PEAK1: variants seen among roughly 807,000 people sequenced by gnomAD.
PEAK1 encodes the protein pseudopodium enriched atypical kinase 1.
PEAK1 carries 54 observed loss-of-function variants against 124.7 expected under a neutral mutation model. That is an observed-to-expected ratio of 0.43 (90% CI 0.35 to 0.54). The LOEUF is 0.54. PEAK1 is among the 20% of genes least tolerant of loss of function. The probability of loss-of-function intolerance (pLI) is 0.01; values close to 1 mark genes in which losing one functional copy is unlikely to be tolerated. For synonymous variants in PEAK1, 719 were observed against 760.0 expected, an observed-to-expected ratio of 0.95 and a Z score of 0.89; for missense variants, 2,046 against 2,134.5, an observed-to-expected ratio of 0.96 and a Z score of 0.82.
At chr15:77,399,766 C>T (rs1457359349) in intron 1 of PEAK1, among the ~76,000 whole-genome samples, 4 of 152,040 alleles carry the variant, frequency 2.6e-5, no homozygotes, top group Admixed American at 6.6e-5. Context: ...AAACATTTCT[C>T]GAATAATACT....
intron 1 of PEAK1, among the ~76,000 whole-genome samples, chr15:77,384,727 C>A (rs1163771402): frequency 6.6e-6 from 1 of 152,240 alleles, no homozygotes; most frequent in Non-Finnish European, 1.5e-5. Context: ...AACATGTGTG[C>A]CAACTGCCTT....
At chr15:77,343,282 C>T (rs2066653763) in intron 2 of PEAK1, among the ~76,000 whole-genome samples, 1 of 151,672 alleles carries the variant, frequency 6.6e-6, no homozygotes, top group Admixed American at 6.6e-5. Context: ...TGGAGAAATG[C>T]CTTTGATCAT....
chr15:77,329,016 G>T (rs1044023977), intron 2 of PEAK1, among the ~76,000 whole-genome samples: 2 of 152,094 alleles, frequency 1.3e-5, no homozygotes, highest in Non-Finnish European at 2.9e-5. Context: ...ATTACATTTC[G>T]TTAGAATCTA....
At chr15:77,416,241 C>CT (rs774606351) in intron 1 of PEAK1, among the ~76,000 whole-genome samples, 189 of 152,296 alleles carry the variant, frequency 1.2e-3, no homozygotes, top group Non-Finnish European at 2.3e-3. Flanking sequence ...GTCTGTCTGG[C>CT]ACAGATGGTT....
chr15:77,223,094 T>C (rs2059462045), intron 6 of PEAK1, among the ~76,000 whole-genome samples: 1 of 152,004 alleles, frequency 6.6e-6, no homozygotes, highest in Admixed American at 6.6e-5. Context: ...AAGTCACTAG[T>C]GACTAAATGA....
intron 6 of PEAK1, among the ~76,000 whole-genome samples, chr15:77,247,671 A>G (rs1567163353): frequency 6.6e-6 from 1 of 151,566 alleles, no homozygotes; most frequent in African/African-American, 2.4e-5. Flanking sequence ...CAGTAGAGAC[A>G]GGATTTCACC....
intron 7 of PEAK1, among the ~76,000 whole-genome samples, chr15:77,160,977 G>A (rs1163951367): frequency 6.6e-6 from 1 of 152,180 alleles, no homozygotes; most frequent in African/African-American, 2.4e-5. Flanking sequence ...GAAAACCACA[G>A]AAAAAACTGC....
chr15:77,228,548 C>T (rs1567140647), intron 6 of PEAK1, among the ~76,000 whole-genome samples: 1 of 152,122 alleles, frequency 6.6e-6, no homozygotes, highest in Non-Finnish European at 1.5e-5. Flanking sequence ...GAGAGAACAA[C>T]TGGATTAAAA....
At chr15:77,142,138 G>A (rs191863282) in intron 8 of PEAK1, among the ~76,000 whole-genome samples, 1 of 152,204 alleles carries the variant, frequency 6.6e-6, no homozygotes, top group East Asian at 1.9e-4. Context: ...TTTTGAAAAA[G>A]ATAAATAACC....
chr15:77,401,993 G>T lies in PEAK1; in HGVS notation c.-666+18013C>A, dbSNP rs558770383. 24 of 823,596 alleles carry T rather than the reference G, an allele frequency of 2.9e-5. No individual in the cohort carries two copies. The South Asian group carries it at 1.1e-3, about 38-fold the overall frequency. The allele number at this position is 823,596 out of a possible 1,614,324, so 51.0% of individuals were successfully genotyped here. ...GTGGGCAGATCACCTGAGGTAAGGAGTTCAAGACCAACCTGGCCAACATGG... is the reference window on the plus strand; with the variant it reads ...GTGGGCAGATCACCTGAGGTAAGGATTTCAAGACCAACCTGGCCAACATGG... On this transcript the variant is annotated intron_variant, in intron 1 of 9. Coordinates refer to ENST00000682557, the MANE Select transcript of PEAK1 (RefSeq NM_001385026.1).
chr15:77,316,050 C>T (rs1374326638), intron 2 of PEAK1, among the ~76,000 whole-genome samples: 1 of 152,032 alleles, frequency 6.6e-6, no homozygotes, highest in Non-Finnish European at 1.5e-5. Context: ...TATGGAAACT[C>T]TTGTACCATC....
intron 2 of PEAK1, among the ~76,000 whole-genome samples, chr15:77,320,262 T>G (rs1431373108): frequency 1.3e-5 from 2 of 152,144 alleles, no homozygotes; most frequent in African/African-American, 4.8e-5. Flanking sequence ...CAGAATTCAA[T>G]AATAAAATGT....
At chr15:77,263,456 A>G (rs368833236) in intron 5 of PEAK1, among the ~76,000 whole-genome samples, 3 of 152,210 alleles carry the variant, frequency 2.0e-5, no homozygotes. Context: ...ACAAACTACC[A>G]TCAGAGAATA....
chr15:77,208,512 G>T (rs1055347034), intron 6 of PEAK1, among the ~76,000 whole-genome samples: 4 of 152,128 alleles, frequency 2.6e-5, no homozygotes, highest in South Asian at 2.1e-4. Flanking sequence ...ACTTATATCA[G>T]TGAGGCCAGC....
chr15:77,197,017 A>ATT lies in PEAK1; in HGVS notation c.-114-14979_-114-14978dup, dbSNP rs35205531. 4.2e-3 allele frequency among the ~76,000 whole-genome samples: 599 copies of ATT among 141,644 alleles called. 4 individuals are homozygous for ATT. Among genetic ancestry groups the ATT allele is most frequent in the African/African-American group, 0.013 (507 of 38,102 alleles). 92.9% of individuals were successfully genotyped at this position (141,644 alleles called of 152,430 possible). On this transcript the variant is annotated intron_variant, in intron 6 of 9. Coordinates refer to ENST00000682557, the MANE Select transcript of PEAK1 (RefSeq NM_001385026.1). The stretch of plus-strand genomic sequence containing the variant: ...AGGTGTCTGCCACTATGCCTGGCTA[A>ATT]TTTTTTTTTTTTTTTTTAAGATACA...
intron 6 of PEAK1, among the ~76,000 whole-genome samples, chr15:77,199,690 G>C (rs1435635609): frequency 2.0e-5 from 3 of 152,134 alleles, no homozygotes; most frequent in Admixed American, 6.5e-5. Flanking sequence ...TGTGTAAAAG[G>C]TGTCGAGATA....
At chr15:77,320,071 T>G (rs926225423) in intron 2 of PEAK1, among the ~76,000 whole-genome samples, 3 of 152,218 alleles carry the variant, frequency 2.0e-5, no homozygotes, top group African/African-American at 7.2e-5. Context: ...TAATATATGA[T>G]GTAGAAGTAA....
intron 9 of PEAK1, among the ~76,000 whole-genome samples, chr15:77,122,108 C>T (rs2051973352): frequency 6.6e-6 from 1 of 152,144 alleles, no homozygotes; most frequent in African/African-American, 2.4e-5. Flanking sequence ...AATGCTGTTA[C>T]AACTATATTC....
intron 2 of PEAK1, chr15:77,335,045 A>G: frequency 3.0e-6 from 3 of 985,438 alleles, no homozygotes; most frequent in Non-Finnish European, 3.6e-6. Context: ...TAGGCCACCT[A>G]TGTGGACAGG....
Sources: gnomAD v4.1 joint callset for allele counts (sites outside exome capture counted in the v4.1 genomes callset) on GRCh38, gnomAD v4.1.1 for gene constraint, MANE v1.5 for transcripts, NCBI Gene and HGNC (gene_info 2026-07-23, HGNC 2026-07-21) for gene names.